DNAH5: variants seen among roughly 807,000 people sequenced by gnomAD.
DNAH5 encodes the protein axonemal beta dynein heavy chain 5.
In DNAH5, 372 loss-of-function variants were observed where a neutral mutation model predicts 518.2. The ratio of observed to expected loss-of-function variants is 0.72; its 90% CI spans 0.66 to 0.78. The LOEUF (loss-of-function observed/expected upper bound fraction) is 0.78, where lower values mean the gene tolerates loss of function less well. DNAH5 is among the 30% of genes least tolerant of loss of function. DNAH5 has a pLI of 0.00. For synonymous variants in DNAH5, 2,039 were observed against 2,025.9 expected, an observed-to-expected ratio of 1.01 and a Z score of -0.17; for missense variants, 5,523 against 5,687.0, an observed-to-expected ratio of 0.97 and a Z score of 0.93.
chr5:13,997,401 C>T (rs1288378558), intron 1 of DNAH5, among the ~76,000 whole-genome samples: 1 of 152,164 alleles, frequency 6.6e-6, no homozygotes, highest in African/African-American at 2.4e-5. Context: ...TAAGGATGGC[C>T]TTTCCTCCAG....
Position 13,840,994 on chromosome 5 carries a change from G to C in DNAH5, c.5621C>G (p.Thr1874Ser). ...TTCCGTGGAACTCAGATCCCTCGTG[G>C]TGACGTCTATCAATGTATTGAGTAG... ...LELLNTLIDV[T>S]TRDLSSTERV... Residue 1874 changes from threonine (T) to serine (S), a missense_variant, in exon 34 of 79, where the codon ACC becomes AGC. Thr to Ser is a moderately conservative substitution (Grantham distance 58). This residue lies in a region of DNAH5 where 5,121 missense variants were observed against 5,223.3 expected (regional missense o/e 0.98). Coordinates refer to ENST00000265104, the MANE Select transcript of DNAH5 (RefSeq NM_001369.3). The C allele has an allele frequency of 6.2e-7, 1 of 1,614,158 alleles. No homozygotes were observed.
At chr5:13,901,838 G>A (rs1252982837) in intron 13 of DNAH5, among the ~76,000 whole-genome samples, 1 of 152,056 alleles carries the variant, frequency 6.6e-6, no homozygotes, top group Admixed American at 6.5e-5. Flanking sequence ...GTACTTCAAA[G>A]CTAAGAGTAT....
At position 13,735,832 on chromosome 5, in the gene DNAH5, G is replaced by A. The variant is rs745961446; in HGVS notation, c.11556C>T (p.Asp3852=). Reference sequence around the variant, plus strand: ...TACAGACGTACCTGGCTAAGGAAAGGTCAAATAAGCCCAGAAACTGGCGAA... The same window carrying A: ...TACAGACGTACCTGGCTAAGGAAAGATCAAATAAGCCCAGAAACTGGCGAA... ...TSLRQFLGLF[D]LSLARSVKSP... The change falls in exon 67 of 79, where the codon GAC becomes GAT. Residue 3852 remains aspartate (D), a synonymous_variant. Coordinates refer to ENST00000265104, the MANE Select transcript of DNAH5 (RefSeq NM_001369.3). 8 of 1,614,056 alleles carry A rather than the reference G, an allele frequency of 5.0e-6. No individual in the cohort carries two copies. The East Asian group carries it at 6.7e-5, about 13-fold the overall frequency.
chr5:13,727,680 C>A, intron 69 of DNAH5, 24 bp from the exon 70 acceptor site: 1 of 1,613,514 alleles, frequency 6.2e-7, no homozygotes, highest in Non-Finnish European at 8.5e-7. Context: ...GGGATAAAAA[C>A]TGTGTCATGC....
intron 1 of DNAH5, among the ~76,000 whole-genome samples, chr5:13,967,337 T>C (rs1219258869): frequency 6.6e-6 from 1 of 152,272 alleles, no homozygotes; most frequent in Non-Finnish European, 1.5e-5. Context: ...TTGATCCATC[T>C]TGAGTTGATT....
At position 13,830,084 on chromosome 5, in the gene DNAH5, A is replaced by G. The variant is rs753103389; in HGVS notation, c.6191T>C (p.Ile2064Thr). Residue 2064 changes from isoleucine (I) to threonine (T), a missense_variant, in exon 37 of 79, where the codon ATC (isoleucine) becomes ACC (threonine). Ile to Thr is a moderately conservative substitution (Grantham distance 89, BLOSUM62 -1). Around this residue, in one of 3 missense-constraint regions of DNAH5, gnomAD observed 5,121 missense variants for 5,223.3 expected, o/e 0.98. Coordinates refer to ENST00000265104, the MANE Select transcript of DNAH5 (RefSeq NM_001369.3). ...AGTCACATTATCTCCATCAGTAAAG[A>G]TAAAAGACTTTTTGTGCTCCTTTTT... ...TCKKEHKKSF[I>T]FTDGDNVTMN... The G allele has an allele frequency of 1.2e-5, 19 of 1,614,036 alleles. No homozygotes were observed. The South Asian group carries it at 1.2e-4, about 10-fold the overall frequency.
At chr5:13,765,409 T>C (rs942876118) in intron 59 of DNAH5, among the ~76,000 whole-genome samples, 1 of 152,184 alleles carries the variant, frequency 6.6e-6, no homozygotes, top group Non-Finnish European at 1.5e-5. Context: ...ATTTCACATA[T>C]GCAAATTTCA....
In DNAH5 at chr5:13,764,180, C is replaced by T. The variant is rs116136655; in HGVS notation, c.10102-1279G>A. Among the ~76,000 whole-genome samples the T allele has an allele frequency of 7.9e-3, 1,201 of 152,218 alleles. 11 individuals carry two copies. The highest frequency in any genetic ancestry group is 0.027 in the African/African-American group (1,133 of 41,524). On this transcript the variant is annotated intron_variant, in intron 59 of 78. Transcript: ENST00000265104. The stretch of plus-strand genomic sequence containing the variant: ...AGACAATAAAGCTTCCAGAAGAAAA[C>T]TAGAAATCTGCCTTGGATGTGGGCA...
At chr5:13,702,377 T>C (rs1419659845) in intron 76 of DNAH5, among the ~76,000 whole-genome samples, 2 of 152,318 alleles carry the variant, frequency 1.3e-5, no homozygotes, top group African/African-American at 4.8e-5. Flanking sequence ...GATCATAATT[T>C]AAGAATTAAA....
chr5:13,828,166 A>C (rs748419923), intron 38 of DNAH5, among the ~76,000 whole-genome samples: 5 of 152,248 alleles, frequency 3.3e-5, no homozygotes, highest in Admixed American at 6.5e-5. Flanking sequence ...GAAAGGCTCA[A>C]TGGCCAGAGC....
At chr5:13,944,073 A>G (rs189608654) in intron 1 of DNAH5, among the ~76,000 whole-genome samples, 168 of 152,342 alleles carry the variant, frequency 1.1e-3, no homozygotes, top group African/African-American at 3.8e-3. Context: ...TTGAAAGAAT[A>G]CAAAGTGCCC....
chr5:13,848,223 T>A (rs1018981109), intron 31 of DNAH5, among the ~76,000 whole-genome samples: 1 of 152,250 alleles, frequency 6.6e-6, no homozygotes, highest in Non-Finnish European at 1.5e-5. Context: ...GACTCCATTT[T>A]TCTAAATCTT....
chr5:13,950,294 T>C (rs976580186), intron 1 of DNAH5, among the ~76,000 whole-genome samples: 5 of 152,180 alleles, frequency 3.3e-5, no homozygotes, highest in African/African-American at 1.2e-4. Context: ...ACTTGTATTT[T>C]TTTTTTGAGA....
Position 13,883,046 on chromosome 5 carries a change from C to T in DNAH5, c.3032G>A (p.Arg1011Gln), listed in dbSNP as rs540368538. The change falls in exon 20 of 79, where the codon CGG becomes CAG. Residue 1011 changes from arginine to glutamine, a missense_variant. Physicochemically the swap from Arg to Gln is conservative, Grantham distance 43. This residue lies in a region of DNAH5 where 5,121 missense variants were observed against 5,223.3 expected (regional missense o/e 0.98). Transcript: ENST00000265104. ...NMKQNSLPIF[R>Q]ASVTLAIPNI... Reference sequence around the variant, plus strand: ...GGGAATGGCCAGAGTGACGCTTGCCCGGAAAATGGGCAAACTGTTCTGCTT... The same window carrying T: ...GGGAATGGCCAGAGTGACGCTTGCCTGGAAAATGGGCAAACTGTTCTGCTT... The T allele has an allele frequency of 1.1e-5, 17 of 1,613,948 alleles. No individual in the cohort carries two copies. Among genetic ancestry groups the T allele is most frequent in the Admixed American group, 3.3e-5 (2 of 59,992 alleles).
At chr5:13,858,110 T>C (rs2652777) in intron 30 of DNAH5, among the ~76,000 whole-genome samples, 67,017 of 151,934 alleles carry the variant, frequency 0.44, 14,989 homozygotes, top group South Asian at 0.5. Context: ...TATAAAGACA[T>C]ATGCACACGT....
At chr5:13,737,767 T>C (rs905356708) in intron 65 of DNAH5, among the ~76,000 whole-genome samples, 18 of 148,188 alleles carry the variant, frequency 1.2e-4, no homozygotes, top group Non-Finnish European at 1.9e-4. Context: ...TCTACTAAAA[T>C]ACAAAAAAAA....
At chr5:13,959,823 C>T (rs1347596512) in intron 1 of DNAH5, among the ~76,000 whole-genome samples, 1 of 152,098 alleles carries the variant, frequency 6.6e-6, no homozygotes, top group Non-Finnish European at 1.5e-5. Flanking sequence ...CAAAATTAGC[C>T]AGGCGTGGTG....
At chr5:13,791,934 T>A in intron 50 of DNAH5, 60 bp downstream of exon 50, 1 of 1,372,434 alleles carries the variant, frequency 7.3e-7, no homozygotes, top group Non-Finnish European at 1.0e-6. Context: ...TCAATAAAAA[T>A]ATTTAGAATA....
chr5:13,791,714 G>A lies in DNAH5; in HGVS notation c.8448+280C>T, dbSNP rs531803257. On this transcript the variant is annotated intron_variant, in intron 50 of 78. Coordinates refer to ENST00000265104, the MANE Select transcript of DNAH5 (RefSeq NM_001369.3). ...CATATCTTCTTCTCATACTAGAACT[G>A]GGAAAATAAATCAATTGTTTCTTTT... 1.3e-4 allele frequency among the ~76,000 whole-genome samples: 20 copies of A among 152,042 alleles called. No homozygotes were observed. In the East Asian group the frequency reaches 3.7e-3, roughly 28 times the overall value.
Sources: allele counts gnomAD v4.1 joint callset (sites outside exome capture counted in the v4.1 genomes callset), GRCh38; gene constraint gnomAD v4.1.1; regional missense constraint gnomAD v4.1.1; transcripts MANE v1.5; gene names NCBI Gene and HGNC (gene_info 2026-07-23, HGNC 2026-07-21).